GPR158: variants seen among roughly 807,000 people sequenced by gnomAD.
GPR158 encodes metabotropic glycine receptor.
GPR158 carries 30 observed loss-of-function variants against 78.2 expected under a neutral mutation model. The ratio of observed to expected loss-of-function variants is 0.38; its 90% CI spans 0.29 to 0.52. The LOEUF (loss-of-function observed/expected upper bound fraction) is 0.52. GPR158 is among the 20% of genes least tolerant of loss of function. The probability of loss-of-function intolerance (pLI) is 0.83; values close to 1 mark genes in which losing one functional copy is unlikely to be tolerated. For missense variants in GPR158, 1,463 were observed against 1,523.5 expected, an observed-to-expected ratio of 0.96 and a Z score of 0.66; for synonymous variants, 581 against 591.1, an observed-to-expected ratio of 0.98 and a Z score of 0.25.
chr10:25,388,782 T>C (rs1674770017), intron 2 of GPR158, among the ~76,000 whole-genome samples: 1 of 152,194 alleles, frequency 6.6e-6, no homozygotes, highest in African/African-American at 2.4e-5. Flanking sequence ...CATTTTGCAC[T>C]CTTGGGGGGC....
intron 2 of GPR158, chr10:25,393,476 A>C (rs191162083): frequency 1.3e-5 from 2 of 152,328 alleles, no homozygotes; most frequent in African/African-American, 4.8e-5. Flanking sequence ...CTATATTCGT[A>C]GTGTCGCGAC....
At chr10:25,371,988 A>G (rs1564436227) in intron 2 of GPR158, among the ~76,000 whole-genome samples, 1 of 151,618 alleles carries the variant, frequency 6.6e-6, no homozygotes, top group Admixed American at 6.6e-5. Context: ...AGAATCTGCA[A>G]TGAACTCAAA....
At chr10:25,291,213 A>T (rs1046164366) in intron 2 of GPR158, among the ~76,000 whole-genome samples, 3 of 152,080 alleles carry the variant, frequency 2.0e-5, no homozygotes, top group Admixed American at 2.0e-4. Flanking sequence ...AAAAGAAAGA[A>T]TTCAGGAGAA....
At chr10:25,539,142 C>A (rs1164212540) in intron 5 of GPR158, among the ~76,000 whole-genome samples, 1 of 152,052 alleles carries the variant, frequency 6.6e-6, no homozygotes, top group Non-Finnish European at 1.5e-5. Flanking sequence ...CTAACCTATG[C>A]ATGGATGGAG....
intron 4 of GPR158, among the ~76,000 whole-genome samples, chr10:25,454,542 G>A (rs976008712): frequency 6.6e-6 from 1 of 152,174 alleles, no homozygotes; most frequent in East Asian, 1.9e-4. Flanking sequence ...GAAGCTATTA[G>A]TTGTCTGAAA....
rs770373708 is a variant in GPR158 at position 25,422,454 on chromosome 10, A to G, written c.1335+9981A>G. On this transcript the variant is annotated intron_variant, in intron 4 of 10. Coordinates refer to ENST00000376351, the MANE Select transcript of GPR158 (RefSeq NM_020752.3). The stretch of plus-strand genomic sequence containing the variant: ...GGTGGAAAAGTTTCCTCCTGAAACC[A>G]TCACCCCCACACACACCCTCCACAC... Among the ~76,000 whole-genome samples the G allele has an allele frequency of 4.1e-4, 62 of 152,206 alleles. 1 individual carries two copies. The highest frequency in any genetic ancestry group is 6.2e-4 in the Non-Finnish European group (42 of 68,010).
At chr10:25,499,904 G>A (rs959157145) in intron 5 of GPR158, among the ~76,000 whole-genome samples, 1 of 152,208 alleles carries the variant, frequency 6.6e-6, no homozygotes, top group African/African-American at 2.4e-5. Flanking sequence ...CAGAGAGGCA[G>A]ACGGGCTAAC....
At chr10:25,315,024 A>G (rs956786904) in intron 2 of GPR158, among the ~76,000 whole-genome samples, 6 of 151,536 alleles carry the variant, frequency 4.0e-5, no homozygotes, top group African/African-American at 1.5e-4. Flanking sequence ...ATTTTATAAA[A>G]CTTATGCTTT....
intron 2 of GPR158, among the ~76,000 whole-genome samples, chr10:25,247,019 C>A (rs937293597): frequency 2.6e-5 from 4 of 152,106 alleles, no homozygotes; most frequent in Non-Finnish European, 5.9e-5. Flanking sequence ...GTCAACGGTG[C>A]CTTTTTAGCC....
At chr10:25,508,312 G>A (rs1216714299) in intron 5 of GPR158, among the ~76,000 whole-genome samples, 5 of 152,136 alleles carry the variant, frequency 3.3e-5, no homozygotes, top group African/African-American at 1.2e-4. Flanking sequence ...GAGGGAGAGG[G>A]AAAGCTGGCA....
At chr10:25,341,499 T>G (rs1451840334) in intron 2 of GPR158, among the ~76,000 whole-genome samples, 55 of 151,722 alleles carry the variant, frequency 3.6e-4, no homozygotes, top group Admixed American at 3.6e-3. Flanking sequence ...ATCTAATAGA[T>G]AAGAAAAATG....
chr10:25,579,375 C>G (rs1206810932), intron 7 of GPR158, among the ~76,000 whole-genome samples: 2 of 152,098 alleles, frequency 1.3e-5, no homozygotes, highest in East Asian at 3.9e-4. Flanking sequence ...TCAAATAGAC[C>G]AGATCTTGAC....
At chr10:25,487,514 G>A (rs542008395) in intron 5 of GPR158, among the ~76,000 whole-genome samples, 3 of 152,294 alleles carry the variant, frequency 2.0e-5, no homozygotes, top group African/African-American at 7.2e-5. Context: ...GTATTCTAGT[G>A]TTCACAGTCA....
At chr10:25,513,973 A>T (rs542266397) in intron 5 of GPR158, among the ~76,000 whole-genome samples, 57 of 152,258 alleles carry the variant, frequency 3.7e-4, no homozygotes, top group South Asian at 1.0e-3. Flanking sequence ...CCATGTGCTG[A>T]TGAATAGAAT....
intron 4 of GPR158, among the ~76,000 whole-genome samples, chr10:25,445,123 A>G (rs1185206230): frequency 4.6e-5 from 7 of 152,210 alleles, no homozygotes; most frequent in Non-Finnish European, 8.8e-5. Flanking sequence ...TAGCAGCTTC[A>G]AGTAACCAGT....
chr10:25,424,475 T>C (rs907286364), intron 4 of GPR158, among the ~76,000 whole-genome samples: 21 of 151,772 alleles, frequency 1.4e-4, no homozygotes, highest in African/African-American at 5.1e-4. Flanking sequence ...ATGTCCTGAA[T>C]GGTATTGCCT....
At chr10:25,391,807 TG>T (rs1834302017) in intron 2 of GPR158, among the ~76,000 whole-genome samples, 1 of 152,108 alleles carries the variant, frequency 6.6e-6, no homozygotes, top group African/African-American at 2.4e-5. Context: ...TGGGAGGGGC[TG>T]GGGTGGAATG....
chr10:25,265,107 T>C lies in GPR158; in HGVS notation c.1008+43950T>C, dbSNP rs374213187. Among the ~76,000 whole-genome samples the C allele has an allele frequency of 2.6e-5, 4 of 152,238 alleles. No homozygotes were observed. In the East Asian group the frequency reaches 5.8e-4, roughly 22 times the overall value. On this transcript the variant is annotated intron_variant, in intron 2 of 10. Transcript: ENST00000376351. ...TAGTGAGAAGAACAAAATGGCTTTCTTAATGTGTTAGACTTTATTTATGTT... is the reference window on the plus strand; with the variant it reads ...TAGTGAGAAGAACAAAATGGCTTTCCTAATGTGTTAGACTTTATTTATGTT...
At chr10:25,234,732 T>A (rs1853498610) in intron 2 of GPR158, among the ~76,000 whole-genome samples, 1 of 152,216 alleles carries the variant, frequency 6.6e-6, no homozygotes, top group Admixed American at 6.5e-5. Flanking sequence ...TGGTTACCAG[T>A]TAGATGGCTT....
Sources: gnomAD v4.1 joint callset for allele counts (sites outside exome capture counted in the v4.1 genomes callset) on GRCh38, gnomAD v4.1.1 for gene constraint, MANE v1.5 for transcripts, NCBI Gene and HGNC (gene_info 2026-07-23, HGNC 2026-07-21) for gene names.